ATP8A2: variants seen among roughly 807,000 people sequenced by gnomAD.
ATP8A2 encodes ATPase phospholipid transporting 8A2.
A neutral mutation model predicts 165.6 loss-of-function variants in ATP8A2; 100 were observed. The observed-to-expected ratio is 0.60, with a 90% CI of 0.51 to 0.71. The LOEUF (loss-of-function observed/expected upper bound fraction) is 0.71, where lower values mean the gene tolerates loss of function less well. ATP8A2 is among the 30% of genes least tolerant of loss of function. The probability of loss-of-function intolerance (pLI) is 0.00; values close to 1 mark genes in which losing one functional copy is unlikely to be tolerated. For missense variants in ATP8A2, 1,227 were observed against 1,479.5 expected (o/e 0.83, Z 2.80); for synonymous variants, 543 against 548.8 (o/e 0.99, Z 0.15).
chr13:25,702,247 C>G (rs1215072660), intron 25 of ATP8A2, among the ~76,000 whole-genome samples: 1 of 151,960 alleles, frequency 6.6e-6, no homozygotes, highest in African/African-American at 2.4e-5. Context: ...GAAGCATGTT[C>G]CTATCAATAT....
chr13:25,567,746 A>G (rs939314295), intron 16 of ATP8A2, among the ~76,000 whole-genome samples: 3 of 152,192 alleles, frequency 2.0e-5, no homozygotes, highest in Non-Finnish European at 4.4e-5. Context: ...CTTAGCTACT[A>G]TGTTAACTAA....
chr13:25,564,630 C>T (rs2039258339), intron 16 of ATP8A2, among the ~76,000 whole-genome samples: 1 of 152,180 alleles, frequency 6.6e-6, no homozygotes, highest in South Asian at 2.1e-4. Context: ...CATCACACCA[C>T]TTCAAATCAG....
chr13:25,768,074 C>T (rs1335557590), intron 25 of ATP8A2, among the ~76,000 whole-genome samples: 3 of 6,764 alleles, frequency 4.4e-4, no homozygotes, highest in East Asian at 7.7e-3. Context: ...TGTGTGGTGG[C>T]GTGGGGGGGG....
intron 25 of ATP8A2, among the ~76,000 whole-genome samples, chr13:25,741,276 G>A (rs1369700625): frequency 6.6e-6 from 1 of 152,166 alleles, no homozygotes; most frequent in Admixed American, 6.5e-5. Flanking sequence ...AAGACATCGG[G>A]ACTGATGATC....
chr13:25,972,476 G>A (rs969662647), intron 35 of ATP8A2, among the ~76,000 whole-genome samples: 1 of 152,210 alleles, frequency 6.6e-6, no homozygotes, highest in Non-Finnish European at 1.5e-5. Context: ...CTTGATTTTA[G>A]TTTGTTCTTC....
chr13:25,621,269 T>A (rs2040960773), intron 24 of ATP8A2, among the ~76,000 whole-genome samples: 1 of 152,224 alleles, frequency 6.6e-6, no homozygotes, highest in Non-Finnish European at 1.5e-5. Context: ...ACGTATGAAA[T>A]CTACATAAGT....
chr13:25,435,932 A>T (rs11617591), intron 1 of ATP8A2, among the ~76,000 whole-genome samples: 75 of 75,776 alleles, frequency 9.9e-4, no homozygotes, highest in East Asian at 5.4e-3. Context: ...TGTGTGTGTG[A>T]GTGTGTGTGT....
At chr13:25,586,088 C>T (rs1593589231) in intron 23 of ATP8A2, among the ~76,000 whole-genome samples, 1 of 152,006 alleles carries the variant, frequency 6.6e-6, no homozygotes, top group African/African-American at 2.4e-5. Context: ...ATATTTAATT[C>T]CCTTGGAGAA....
At chr13:25,828,230 C>G in intron 28 of ATP8A2, 38 bp downstream of exon 28, 1 of 1,484,888 alleles carries the variant, frequency 6.7e-7, no homozygotes. Flanking sequence ...GCATGCAGAA[C>G]TTAGAACTTC....
intron 33 of ATP8A2, among the ~76,000 whole-genome samples, chr13:25,896,390 G>C (rs2765743): frequency 0.52 from 78,906 of 151,992 alleles, 21,629 homozygotes; most frequent in African/African-American, 0.7. Flanking sequence ...GCACTGTGGT[G>C]TGAGAGACAG....
At chr13:25,494,383 G>C (rs2036612431) in intron 2 of ATP8A2, among the ~76,000 whole-genome samples, 2 of 152,158 alleles carry the variant, frequency 1.3e-5, no homozygotes, top group South Asian at 4.1e-4. Flanking sequence ...TGACCTTTCT[G>C]CCACTGCAGA....
chr13:25,548,513 T>C lies in ATP8A2; in HGVS notation c.892-2825T>C, dbSNP rs577894599. ...TTTTCCTGCCTGTACATTTAGTGAATATTTATTAAGAATGATGAGATCTTG... is the reference window on the plus strand; with the variant it reads ...TTTTCCTGCCTGTACATTTAGTGAACATTTATTAAGAATGATGAGATCTTG... On this transcript the variant is annotated intron_variant, in intron 10 of 36. Coordinates refer to ENST00000381655, the MANE Select transcript of ATP8A2 (RefSeq NM_016529.6). Among the ~76,000 whole-genome samples the C allele has an allele frequency of 7.2e-5, 11 of 152,360 alleles. No homozygotes were observed. The South Asian group carries it at 2.3e-3, about 32-fold the overall frequency.
intron 25 of ATP8A2, among the ~76,000 whole-genome samples, chr13:25,727,337 T>G (rs2043515999): frequency 6.6e-6 from 1 of 152,160 alleles, no homozygotes; most frequent in African/African-American, 2.4e-5. Flanking sequence ...CACAAAACAT[T>G]AGGTACCACA....
intron 24 of ATP8A2, among the ~76,000 whole-genome samples, chr13:25,693,311 A>G (rs2042767137): frequency 1.3e-5 from 2 of 152,308 alleles, no homozygotes; most frequent in Middle Eastern, 3.4e-3. Context: ...AACTGCACAG[A>G]AGGGACCTAT....
In ATP8A2 at chr13:25,596,991, T is replaced by A. The variant is rs538044865; in HGVS notation, c.2211+7292T>A. Among the ~76,000 whole-genome samples, 54 of 152,298 alleles carry A rather than the reference T, an allele frequency of 3.5e-4. 1 individual carries two copies. In the South Asian group the frequency reaches 0.011, roughly 30 times the overall value. ...GATAATATCTCATTGTGACTTTAAG[T>A]TATATTTCCCTGATGACTAATCATG... On this transcript the variant is annotated intron_variant, in intron 24 of 36. Coordinates refer to ENST00000381655, the MANE Select transcript of ATP8A2 (RefSeq NM_016529.6).
intron 25 of ATP8A2, among the ~76,000 whole-genome samples, chr13:25,711,229 T>G (rs2043152137): frequency 6.6e-6 from 1 of 152,160 alleles, no homozygotes; most frequent in African/African-American, 2.4e-5. Flanking sequence ...GGTCACGAAC[T>G]CCTGACCTCA....
At chr13:25,720,297 G>T (rs1246868853) in intron 25 of ATP8A2, among the ~76,000 whole-genome samples, 1 of 151,050 alleles carries the variant, frequency 6.6e-6, no homozygotes, top group Non-Finnish European at 1.5e-5. Context: ...CCTGTAGCTG[G>T]GACTACAGGT....
chr13:25,656,695 C>T (rs1057107281), intron 24 of ATP8A2, among the ~76,000 whole-genome samples: 1 of 149,596 alleles, frequency 6.7e-6, no homozygotes, highest in South Asian at 2.1e-4. Context: ...GAGCTGAGAT[C>T]GTGCCACTGC....
At chr13:25,531,177 A>ATATATGTGT (rs1566228586) in intron 4 of ATP8A2, among the ~76,000 whole-genome samples, 1 of 91,638 alleles carries the variant, frequency 1.1e-5, no homozygotes, top group African/African-American at 4.1e-5. Context: ...GTTATATGAT[A>ATATATGTGT]TATATATGTT....
Sources: allele counts gnomAD v4.1 joint callset (sites outside exome capture counted in the v4.1 genomes callset), GRCh38; gene constraint gnomAD v4.1.1; transcripts MANE v1.5; gene names NCBI Gene and HGNC (gene_info 2026-07-23, HGNC 2026-07-21).